C2CD3: variants seen among roughly 807,000 people sequenced by gnomAD.
C2CD3 encodes the protein C2 domain-containing protein 3.
In C2CD3, 148 loss-of-function variants were observed where a neutral mutation model predicts 234.0. The observed-to-expected ratio is 0.63, with a 90% CI of 0.55 to 0.72. The LOEUF (loss-of-function observed/expected upper bound fraction) is 0.72, where lower values mean the gene tolerates loss of function less well. Among genes scored for constraint, C2CD3 ranks in the 30% least tolerant of loss-of-function variants. C2CD3 has a pLI of 0.00. For missense variants in C2CD3, 2,577 were observed against 2,811.5 expected (o/e 0.92, Z 1.89); for synonymous variants, 1,000 against 1,035.4 (o/e 0.97, Z 0.66).
rs1955496922 is a variant in C2CD3, at chr11:74,083,604, CAAAT to C, written c.4000+1273_4000+1276del. Among the ~76,000 whole-genome samples the C allele has an allele frequency of 3.3e-5, 5 of 152,068 alleles. No individual in the cohort carries two copies. In the South Asian group the frequency reaches 1.0e-3, roughly 31 times the overall value. The stretch of plus-strand genomic sequence containing the variant: ...CTTAAACAAACTTACAAGAAAAAAA[CAAAT>C]AACCTCATCAAAAAGTGGGCAAAGG... On this transcript the variant is annotated intron_variant, in intron 22 of 32. Coordinates refer to ENST00000334126, the MANE Select transcript of C2CD3 (RefSeq NM_001286577.2).
chr11:74,025,636 A>G (rs895525880), intron 32 of C2CD3, among the ~76,000 whole-genome samples: 7 of 152,114 alleles, frequency 4.6e-5, no homozygotes, highest in Admixed American at 4.6e-4. Context: ...AGTTCATCCA[A>G]GACTCAGAGA....
At chr11:74,061,692 A>G (rs1954257460) in intron 24 of C2CD3, among the ~76,000 whole-genome samples, 1 of 152,224 alleles carries the variant, frequency 6.6e-6, no homozygotes, top group Non-Finnish European at 1.5e-5. Context: ...AAGGCCATCA[A>G]TGCTAGGAAG....
intron 32 of C2CD3, 121 bp downstream of exon 32, chr11:74,028,163 TGAG>T: frequency 1.5e-6 from 1 of 689,562 alleles, no homozygotes; most frequent in South Asian, 1.9e-5. Context: ...AGTACAAACT[TGAG>T]GAGTGACCCC....
At chr11:74,128,771 C>T (rs1036296881) in intron 7 of C2CD3, 10 of 160,650 alleles carry the variant, frequency 6.2e-5, no homozygotes, top group African/African-American at 1.7e-4. Context: ...TGCCTTCAAG[C>T]ATCTGTTTAA....
At chr11:74,020,263 C>T (rs1952032162) in intron 32 of C2CD3, among the ~76,000 whole-genome samples, 1 of 152,230 alleles carries the variant, frequency 6.6e-6, no homozygotes, top group South Asian at 2.1e-4. Context: ...CTTCTAATTC[C>T]TATCTTGTTT....
chr11:74,133,110 T>C, intron 6 of C2CD3, 138 bp from the exon 7 acceptor site: 1 of 800,164 alleles, frequency 1.2e-6, no homozygotes, highest in Non-Finnish European at 2.0e-6. Flanking sequence ...AATAAAACTT[T>C]ACACTTTGCA....
At chr11:74,093,185 C>T (rs1955965155) in intron 18 of C2CD3, among the ~76,000 whole-genome samples, 1 of 151,512 alleles carries the variant, frequency 6.6e-6, no homozygotes, top group South Asian at 2.1e-4. Flanking sequence ...TTTATACTCT[C>T]TTAAGCACTT....
At chr11:74,124,432 C>G (rs1436966126) in intron 7 of C2CD3, among the ~76,000 whole-genome samples, 1 of 152,132 alleles carries the variant, frequency 6.6e-6, no homozygotes, top group Non-Finnish European at 1.5e-5. Flanking sequence ...TTGGGTCAGA[C>G]AATTCTTTAT....
chr11:74,018,124 G>C (rs974095957), intron 32 of C2CD3, among the ~76,000 whole-genome samples: 2 of 152,250 alleles, frequency 1.3e-5, no homozygotes, highest in Non-Finnish European at 2.9e-5. Flanking sequence ...ACTTCTGTTT[G>C]GTCTTCTTAT....
At chr11:74,128,191 A>G (rs1473235134) in intron 7 of C2CD3, among the ~76,000 whole-genome samples, 2 of 152,084 alleles carry the variant, frequency 1.3e-5, no homozygotes, top group Non-Finnish European at 2.9e-5. Context: ...TATTTTTTGG[A>G]CAAATGTTTA....
intron 7 of C2CD3, among the ~76,000 whole-genome samples, chr11:74,130,698 TTA>T (rs766617897): frequency 6.6e-6 from 1 of 152,226 alleles, no homozygotes; most frequent in Non-Finnish European, 1.5e-5. Flanking sequence ...TTCCATTGAT[TTA>T]TATGTCTATC....
chr11:74,133,599 A>C (rs1957752063), intron 5 of C2CD3, 42 bp from the exon 6 acceptor site: 1 of 1,606,958 alleles, frequency 6.2e-7, no homozygotes, highest in Admixed American at 1.7e-5. Flanking sequence ...TCCAAAATGC[A>C]GCAGAAACAT....
chr11:74,131,264 A>G (rs898267392), intron 7 of C2CD3, among the ~76,000 whole-genome samples: 2 of 151,276 alleles, frequency 1.3e-5, no homozygotes. Context: ...CAGAGGTTGC[A>G]GTAAGCCGAG....
chr11:74,159,261 A>G (rs1351415845), intron 3 of C2CD3, among the ~76,000 whole-genome samples: 2 of 152,240 alleles, frequency 1.3e-5, no homozygotes, highest in African/African-American at 4.8e-5. Flanking sequence ...ACTGGTTTAC[A>G]ATTTACTATA....
chr11:74,163,001 G>A (rs992175003), intron 2 of C2CD3, among the ~76,000 whole-genome samples: 8 of 152,186 alleles, frequency 5.3e-5, no homozygotes, highest in Non-Finnish European at 1.0e-4. Flanking sequence ...TGGTCACTTA[G>A]ACTAATACCT....
intron 3 of C2CD3, among the ~76,000 whole-genome samples, chr11:74,148,020 TAAATTTTACAAATGTCTTAAATTTTAC>T (rs1216118293): frequency 0.017 from 2,561 of 152,202 alleles, 74 homozygotes; most frequent in African/African-American, 0.058. Flanking sequence ...GTTGAAATCT[TAAATTTTACAAATGTCTTAAATTTTAC>T]AAATTTTACA....
intron 3 of C2CD3, among the ~76,000 whole-genome samples, chr11:74,145,225 CAT>C (rs1430896446): frequency 6.6e-6 from 1 of 152,206 alleles, no homozygotes; most frequent in African/African-American, 2.4e-5. Context: ...ATCTTGTCAG[CAT>C]ATGTTATTTT....
chr11:74,087,332 G>A (rs545309615), intron 20 of C2CD3, among the ~76,000 whole-genome samples: 2 of 152,264 alleles, frequency 1.3e-5, no homozygotes, highest in East Asian at 3.9e-4. Context: ...GGGAGGCTGA[G>A]GTGGACGGAT....
chr11:74,115,559 C>T (rs1196279280), intron 9 of C2CD3, among the ~76,000 whole-genome samples: 2 of 152,116 alleles, frequency 1.3e-5, no homozygotes, highest in East Asian at 3.8e-4. Flanking sequence ...CAAAAGCAAT[C>T]TACAAATTCA....
Sources: allele counts gnomAD v4.1 joint callset (sites outside exome capture counted in the v4.1 genomes callset), GRCh38; gene constraint gnomAD v4.1.1; transcripts MANE v1.5; gene names NCBI Gene and HGNC (gene_info 2026-07-23, HGNC 2026-07-21).